The following SIK3 variants were observed in gnomAD, a reference collection of about 807,000 sequenced individuals.
SIK3 encodes the protein serine/threonine-protein kinase SIK3.
SIK3 carries 28 observed loss-of-function variants against 144.2 expected under a neutral mutation model. The observed-to-expected ratio is 0.19, with a 90% CI of 0.14 to 0.27. SIK3 has a LOEUF of 0.27. Ranked by LOEUF, SIK3 falls within the 10% of genes least tolerant of loss-of-function variation. The probability of loss-of-function intolerance (pLI) is 1.00; values close to 1 mark genes in which losing one functional copy is unlikely to be tolerated. For missense variants in SIK3, 1,319 were observed against 1,776.0 expected (o/e 0.74, Z 4.62); for synonymous variants, 686 against 676.3 (o/e 1.01, Z -0.22).
chr11:116,930,073 C>T (rs193011323), intron 3 of SIK3, among the ~76,000 whole-genome samples: 2 of 151,798 alleles, frequency 1.3e-5, no homozygotes, highest in Non-Finnish European at 2.9e-5. Context: ...AATACACTTA[C>T]GGAACAAATC....
intron 15 of SIK3, among the ~76,000 whole-genome samples, chr11:116,866,603 G>A (rs531135734): frequency 1.3e-3 from 193 of 152,130 alleles, no homozygotes; most frequent in Non-Finnish European, 2.0e-3. Context: ...CGCCACACCC[G>A]GCTAATTTTT....
intron 4 of SIK3, among the ~76,000 whole-genome samples, chr11:116,899,616 T>G (rs1333515258): frequency 6.6e-6 from 1 of 152,202 alleles, no homozygotes; most frequent in Non-Finnish European, 1.5e-5. Context: ...GTGCTTCAAT[T>G]TTCCTCCCTT....
chr11:117,087,067 T>G (rs189781239), intron 1 of SIK3, among the ~76,000 whole-genome samples: 1 of 152,000 alleles, frequency 6.6e-6, no homozygotes, highest in East Asian at 1.9e-4. Context: ...TCTTCTTCCC[T>G]TCAGCAATTT....
At chr11:116,967,283 G>C (rs1279911154) in intron 1 of SIK3, among the ~76,000 whole-genome samples, 1 of 152,188 alleles carries the variant, frequency 6.6e-6, no homozygotes, top group Non-Finnish European at 1.5e-5. Flanking sequence ...AGCACATTTA[G>C]ATGTAGAACC....
chr11:117,023,609 CAAAAAAAA>C (rs71469123), intron 1 of SIK3, among the ~76,000 whole-genome samples: 25 of 51,990 alleles, frequency 4.8e-4, no homozygotes, highest in African/African-American at 1.8e-3. Context: ...AACAAACAAA[CAAAAAAAA>C]AAAAATATAT....
intron 1 of SIK3, among the ~76,000 whole-genome samples, chr11:117,095,368 C>A (rs1410931801): frequency 1.3e-5 from 2 of 151,786 alleles, no homozygotes; most frequent in African/African-American, 4.8e-5. Flanking sequence ...AAAAAAAAAT[C>A]ACACACCTCT....
rs149695348 is a variant in SIK3 at position 116,993,945 on chromosome 11, C to T, written c.274-36881G>A. On this transcript the variant is annotated intron_variant, in intron 1 of 24. Coordinates refer to ENST00000445177, the MANE Select transcript of SIK3 (RefSeq NM_001366686.3). ...CCATGAGTGAGTTACACATCCGTGACGAAACAGACATGTGTTTGTGTGCAT... is the reference window on the plus strand; with the variant it reads ...CCATGAGTGAGTTACACATCCGTGATGAAACAGACATGTGTTTGTGTGCAT... Among the ~76,000 whole-genome samples, 297 of 152,240 alleles carry T rather than the reference C, an allele frequency of 2.0e-3. 2 individuals carry two copies. The highest frequency in any genetic ancestry group is 6.6e-3 in the African/African-American group (273 of 41,538).
chr11:116,872,467 G>A (rs1944017730), intron 13 of SIK3, among the ~76,000 whole-genome samples: 1 of 152,142 alleles, frequency 6.6e-6, no homozygotes, highest in Admixed American at 6.5e-5. Context: ...TGTTGATCTT[G>A]TCAGTGATGG....
chr11:117,017,560 T>A (rs1951590931), intron 1 of SIK3, among the ~76,000 whole-genome samples: 1 of 152,094 alleles, frequency 6.6e-6, no homozygotes, highest in Non-Finnish European at 1.5e-5. Context: ...ATCAAATTGG[T>A]GTAACACACA....
At chr11:116,968,591 G>T (rs1008346560) in intron 1 of SIK3, among the ~76,000 whole-genome samples, 2 of 152,172 alleles carry the variant, frequency 1.3e-5, no homozygotes, top group African/African-American at 2.4e-5. Flanking sequence ...GCTACATGAA[G>T]TATATGCTTA....
chr11:116,856,738 C>T (rs975862213), intron 21 of SIK3, among the ~76,000 whole-genome samples: 2 of 152,218 alleles, frequency 1.3e-5, no homozygotes, highest in Admixed American at 6.5e-5. Flanking sequence ...TACAACCTGG[C>T]ACCACCAAGG....
intron 3 of SIK3, among the ~76,000 whole-genome samples, chr11:116,933,588 A>G (rs1177895446): frequency 6.6e-6 from 1 of 152,216 alleles, no homozygotes; most frequent in East Asian, 1.9e-4. Context: ...ACAATTGTGT[A>G]TAGAATTTTA....
chr11:117,021,125 C>T (rs1418341765), intron 1 of SIK3, among the ~76,000 whole-genome samples: 3 of 152,208 alleles, frequency 2.0e-5, no homozygotes, highest in Non-Finnish European at 2.9e-5. Flanking sequence ...CACTCCCACA[C>T]ATTTGGTCAC....
intron 21 of SIK3, among the ~76,000 whole-genome samples, chr11:116,855,093 A>AAAAAC (rs1319265683): frequency 2.2e-5 from 3 of 134,936 alleles, no homozygotes; most frequent in African/African-American, 8.0e-5. Context: ...CAAAAAAAAA[A>AAAAAC]AAAAAAAAAA....
chr11:117,017,686 C>T (rs889792714), intron 1 of SIK3, among the ~76,000 whole-genome samples: 2 of 152,110 alleles, frequency 1.3e-5, no homozygotes, highest in African/African-American at 4.8e-5. Flanking sequence ...AACTCCTTTG[C>T]ACCTAAAGGA....
chr11:116,970,353 G>A (rs543005606), intron 1 of SIK3, among the ~76,000 whole-genome samples: 17 of 152,210 alleles, frequency 1.1e-4, no homozygotes, highest in African/African-American at 3.9e-4. Context: ...TGGGAGACTT[G>A]GGTTTTGACT....
intron 4 of SIK3, among the ~76,000 whole-genome samples, chr11:116,924,834 T>C (rs1294550705): frequency 6.6e-6 from 1 of 152,202 alleles, no homozygotes; most frequent in Non-Finnish European, 1.5e-5. Context: ...AGGGCCTTCT[T>C]TTAATTCACT....
Position 116,867,277 on chromosome 11 carries a change from C to T in SIK3, c.1952+669G>A, listed in dbSNP as rs1299727956. Among the ~76,000 whole-genome samples, 1 of 152,218 alleles carries T rather than the reference C, an allele frequency of 6.6e-6. No individual in the cohort carries two copies. Among genetic ancestry groups the T allele is most frequent in the African/African-American group, 2.4e-5 (1 of 41,460 alleles). ...GATAGTCACAGAAGATAATCATCTT[C>T]TTCAACTAGCAAAGTGTCATTCCGC... On this transcript the variant is annotated intron_variant, in intron 15 of 24. Transcript: ENST00000445177. The surrounding 1 kb of genome is among the most constrained non-coding windows in gnomAD (Gnocchi z 4.1).
At chr11:116,894,088 C>T (rs1248563708) in intron 6 of SIK3, 2 of 165,596 alleles carry the variant, frequency 1.2e-5, no homozygotes, top group Admixed American at 1.3e-4. Flanking sequence ...CATTCACTCC[C>T]CACAGCTCCT....
Sources: allele counts gnomAD v4.1 joint callset (sites outside exome capture counted in the v4.1 genomes callset), GRCh38; gene constraint gnomAD v4.1.1; non-coding constraint Gnocchi (gnomAD v3.1); transcripts MANE v1.5; gene names NCBI Gene and HGNC (gene_info 2026-07-23, HGNC 2026-07-21).